WNK4: variants seen among roughly 807,000 people sequenced by gnomAD.
The protein encoded by WNK4 is WNK lysine deficient protein kinase 4, also known as serine/threonine-protein kinase WNK4.
In WNK4, 94 loss-of-function variants were observed where a neutral mutation model predicts 116.2. The ratio of observed to expected loss-of-function variants is 0.81; its 90% CI spans 0.68 to 0.96. WNK4 has a LOEUF of 0.96. Ranked by LOEUF, WNK4 falls within the 40% of genes least tolerant of loss-of-function variation. The pLI is 0.00. For missense variants in WNK4, 1,542 were observed against 1,650.6 expected (o/e 0.93, Z 1.14); for synonymous variants, 655 against 672.7 (o/e 0.97, Z 0.41).
chr17:42,790,550 G>A (rs901607619), intron 11 of WNK4, among the ~76,000 whole-genome samples: 5 of 152,098 alleles, frequency 3.3e-5, no homozygotes, highest in South Asian at 2.1e-4. Context: ...GAGATGAGCC[G>A]GCAAAGCCAG....
At chr17:42,789,174 T>G (rs186008422) in intron 11 of WNK4, among the ~76,000 whole-genome samples, 118 of 152,116 alleles carry the variant, frequency 7.8e-4, no homozygotes, top group African/African-American at 2.7e-3. Context: ...GGAAAGGCCA[T>G]GAAGGGTGTC....
chr17:42,796,886 G>C lies in WNK4; in HGVS notation c.*198G>C. On this transcript the variant is annotated 3_prime_UTR_variant, in exon 19 of 19. Transcript: ENST00000246914. ...ACATATGTGAACTGTTTGCTGTGTG[G>C]AGGTGTTAGTTCTGCTGCCTACCAT... 9.2e-7 allele frequency: 1 copy of C among 1,083,412 alleles called. No homozygotes were observed. Among genetic ancestry groups the C allele is most frequent in the Non-Finnish European group, 1.3e-6 (1 of 759,002 alleles). 67.1% of individuals were successfully genotyped at this position (1,083,412 alleles called of 1,614,324 possible). A position where few individuals can be genotyped will look rare whatever the true frequency, so the allele number is the denominator to read the frequency against.
Position 42,788,399 on chromosome 17 carries a change from G to C in WNK4, c.2032G>C (p.Val678Leu), listed in dbSNP as rs776511093. The C allele has an allele frequency of 1.2e-6, 2 of 1,612,480 alleles. No individual in the cohort carries two copies. Among genetic ancestry groups the C allele is most frequent in the Non-Finnish European group, 1.7e-6 (2 of 1,179,860 alleles). Residue 678 changes from valine to leucine, a missense_variant, in exon 10 of 19, where the codon GTC becomes CTC. By Grantham distance (32) the Val-to-Leu change is conservative (BLOSUM62 1). Coordinates refer to ENST00000246914, the MANE Select transcript of WNK4 (RefSeq NM_032387.5). Reference protein sequence around the residue: ...LRRRPRSRLRVTSVSDQNDRV... With the variant: ...LRRRPRSRLRLTSVSDQNDRV... ...GCGCAGACCCCGATCCCGGCTGCGG[G>C]TCACTAGTGTAAGGATGGAGTACAG...
intron 12 of WNK4, chr17:42,794,266 C>A: frequency 2.6e-6 from 1 of 377,654 alleles, no homozygotes. Flanking sequence ...GAAATAATTT[C>A]AGACTTGTGG....
chr17:42,788,918 AC>A (rs1291162891), intron 11 of WNK4, 121 bp downstream of exon 11: 5 of 832,876 alleles, frequency 6.0e-6, no homozygotes, highest in Non-Finnish European at 1.0e-5. Context: ...TCTGGTTGAC[AC>A]TTAGCACAGT....
Position 42,783,874 on chromosome 17 carries a change from G to T in WNK4, c.792-63G>T, listed in dbSNP as rs1221581333. The T allele has an allele frequency of 3.3e-6, 5 of 1,500,726 alleles. No homozygotes were observed. In the East Asian group the frequency reaches 9.6e-5, roughly 29 times the overall value. The allele number at this position is 1,500,726 out of a possible 1,614,324, so 93.0% of individuals were successfully genotyped here. ...GTGCGGCAGGGGGGAACTTCCCAGT[G>T]GGGGGCTCCTTCCCGGAGGACGTGT... is the stretch of plus-strand genomic sequence containing the variant. On this transcript the variant is annotated intron_variant, in intron 2 of 18. Transcript: ENST00000246914.
At chr17:42,789,619 A>C (rs529124405) in intron 11 of WNK4, among the ~76,000 whole-genome samples, 91 of 151,004 alleles carry the variant, frequency 6.0e-4, no homozygotes, top group Non-Finnish European at 9.9e-4. Context: ...AGCCGAGATC[A>C]CACCATTGCA....
chr17:42,782,717 G>T lies in WNK4; in HGVS notation c.619-41G>T. Reference sequence around the variant, plus strand: ...CAGGTGTCCCTCTTCCTTTCTGTGGGTGTCCTGGGCCTGACATGACACCCG... The same window carrying T: ...CAGGTGTCCCTCTTCCTTTCTGTGGTTGTCCTGGGCCTGACATGACACCCG... On this transcript the variant is annotated intron_variant, in intron 1 of 18. Coordinates refer to ENST00000246914, the MANE Select transcript of WNK4 (RefSeq NM_032387.5). The surrounding 1 kb of genome is among the most constrained non-coding windows in gnomAD (Gnocchi z 4.2). 1 of 1,612,392 alleles carries T rather than the reference G, an allele frequency of 6.2e-7. No homozygotes were observed. Among genetic ancestry groups the T allele is most frequent in the African/African-American group, 1.3e-5 (1 of 74,982 alleles).
At position 42,795,866 on chromosome 17, in the gene WNK4, A is replaced by G. The variant is rs767297994; in HGVS notation, c.3264A>G (p.Gly1088=). 1 of 1,612,674 alleles carries G rather than the reference A, an allele frequency of 6.2e-7. No individual in the cohort carries two copies. Among genetic ancestry groups the G allele is most frequent in the Non-Finnish European group, 8.5e-7 (1 of 1,179,300 alleles). The change falls in exon 16 of 19, where the codon GGA becomes GGG. Residue 1088 remains glycine (G), a synonymous_variant. Coordinates refer to ENST00000246914, the MANE Select transcript of WNK4 (RefSeq NM_032387.5). ...EGLGAGVEEE[G]DDGKEPQVGG... is the part of the protein sequence containing the mutation. ...TGGGGGCTGGAGTTGAGGAGGAAGG[A>G]GATGATGGGAAGGAACCCCAAGTTG...
chr17:42,792,411 A>G (rs918896997), intron 11 of WNK4, among the ~76,000 whole-genome samples: 3 of 152,168 alleles, frequency 2.0e-5, no homozygotes, highest in Non-Finnish European at 4.4e-5. Context: ...AAAATTTACC[A>G]CCGTAACCAT....
Position 42,780,642 on chromosome 17 carries a change from A to G in WNK4, c.-57A>G, listed in dbSNP as rs2054470322. ...AGCGCACCCAGCGAGTCCGTCTGTC[A>G]GGCCGCCTCCTCTCCGGCCGTCTGA... is the stretch of plus-strand genomic sequence containing the variant. On this transcript the variant is annotated 5_prime_UTR_variant, in exon 1 of 19. Coordinates refer to ENST00000246914, the MANE Select transcript of WNK4 (RefSeq NM_032387.5). 1.9e-6 allele frequency: 3 copies of G among 1,593,864 alleles called. No individual in the cohort carries two copies. Among genetic ancestry groups the G allele is most frequent in the Non-Finnish European group, 2.5e-6 (3 of 1,177,102 alleles).
intron 18 of WNK4, 42 bp downstream of exon 18, chr17:42,796,620 C>T: frequency 1.2e-6 from 2 of 1,614,204 alleles, no homozygotes; most frequent in Non-Finnish European, 8.5e-7. Flanking sequence ...GGGAATGGTA[C>T]CTGGCTGCAG....
intron 2 of WNK4, among the ~76,000 whole-genome samples, chr17:42,783,437 A>G (rs1325731357): frequency 1.3e-5 from 2 of 152,060 alleles, no homozygotes; most frequent in East Asian, 3.9e-4. Context: ...CCTGTTCACA[A>G]AGTCCTTAGG....
In WNK4 at chr17:42,784,926, TG is replaced by T. The variant is rs35483050; in HGVS notation, c.1171-161del. On this transcript the variant is annotated intron_variant, in intron 4 of 18. Transcript: ENST00000246914. This position sits in a 1 kb window ranked among gnomAD's most constrained non-coding sequence, Gnocchi z 4.4. Reference sequence around the variant, plus strand: ...TGTTCAAGATCACACTGTAAATACTTGGGGGGGGGGCGGGGATTAGGATTTG... The same window carrying T: ...TGTTCAAGATCACACTGTAAATACTTGGGGGGGGGCGGGGATTAGGATTTG... 0.42 allele frequency among the ~76,000 whole-genome samples: 47,483 copies of T among 113,134 alleles called. 9,440 individuals carry two copies. The highest frequency in any genetic ancestry group is 0.58 in the East Asian group (2,494 of 4,302). The allele number at this position is 113,134 out of a possible 152,430, so 74.2% of individuals were successfully genotyped here. A position where few individuals can be genotyped will look rare whatever the true frequency, so the allele number is the denominator to read the frequency against.
In WNK4 at chr17:42,780,657, C is replaced by A. The variant is rs763553713; in HGVS notation, c.-42C>A. ...TCCGTCTGTCAGGCCGCCTCCTCTC[C>A]GGCCGTCTGATTTTCTACCCTTCGG... On this transcript the variant is annotated 5_prime_UTR_variant, in exon 1 of 19. Transcript: ENST00000246914. 1.3e-6 allele frequency: 2 copies of A among 1,599,130 alleles called. No homozygotes were observed. The highest frequency in any genetic ancestry group is 1.1e-5 in the South Asian group (1 of 90,872).
rs1231448507 is a variant in WNK4 at position 42,787,505 on chromosome 17, C to T, written c.1704C>T (p.Pro568=). The change falls in exon 7 of 19, where the codon CCC becomes CCT. Residue 568 remains proline (P), a synonymous_variant. Coordinates refer to ENST00000246914, the MANE Select transcript of WNK4 (RefSeq NM_032387.5). ...AGCCAGAGGCAGACCAGCACCAGCC[C>T]TTCCTTTTCCGCCACGCCAGCTACT... ...PEEPEADQHQ[P]FLFRHASYSS... is the part of the protein sequence containing the mutation. The T allele has an allele frequency of 4.4e-6, 7 of 1,587,224 alleles. No homozygotes were observed. Among genetic ancestry groups the T allele is most frequent in the Non-Finnish European group, 6.0e-6 (7 of 1,164,248 alleles).
intron 6 of WNK4, 120 bp from the exon 7 acceptor site, chr17:42,787,158 G>T: frequency 7.1e-7 from 1 of 1,410,610 alleles, no homozygotes; most frequent in Non-Finnish European, 9.7e-7. Flanking sequence ...CAGACATAGT[G>T]GGTAATCAGT....
In WNK4 at chr17:42,784,415, C is replaced by A; in HGVS notation, c.1013-7C>A. 6.2e-7 allele frequency: 1 copy of A among 1,613,058 alleles called. No homozygotes were observed. Among genetic ancestry groups the A allele is most frequent in the South Asian group, 1.1e-5 (1 of 90,824 alleles). ...CAGCAATCTGATCCCTGCTGTGGAC[C>A]CTACAGGGACCCCGGAATTCATGGC... On this transcript the variant is annotated splice_region_variant and splice_polypyrimidine_tract_variant and intron_variant, in intron 3 of 18. Coordinates refer to ENST00000246914, the MANE Select transcript of WNK4 (RefSeq NM_032387.5). The surrounding 1 kb of genome is among the most constrained non-coding windows in gnomAD (Gnocchi z 4.4).
At position 42,781,205 on chromosome 17, in the gene WNK4, C is replaced by A. The variant is rs61754328; in HGVS notation, c.507C>A (p.Pro169=). Residue 169 remains proline, a synonymous_variant, in exon 1 of 19, where the codon CCC becomes CCA. Coordinates refer to ENST00000246914, the MANE Select transcript of WNK4 (RefSeq NM_032387.5). ...DMETQAVATS[P]DGRYLKFDIE... ...AGACCCAGGCTGTGGCAACGTCCCC[C>A]GATGGCCGATACCTCAAGTTTGACA... 782 of 1,614,188 alleles carry A rather than the reference C, an allele frequency of 4.8e-4. 6 individuals carry two copies. In the Middle Eastern group the frequency reaches 0.018, roughly 37 times the overall value.
Sources: allele counts gnomAD v4.1 joint callset (sites outside exome capture counted in the v4.1 genomes callset), GRCh38; gene constraint gnomAD v4.1.1; non-coding constraint Gnocchi (gnomAD v3.1); transcripts MANE v1.5; gene names NCBI Gene and HGNC (gene_info 2026-07-23, HGNC 2026-07-21).